Variants in NPIPB11 observed in about 807,000 individuals in gnomAD.
NPIPB11 encodes the protein nuclear pore complex-interacting protein family member B11.
NPIPB11 carries 17 observed loss-of-function variants against 32.8 expected under a neutral mutation model. The observed-to-expected ratio is 0.52, with a 90% CI of 0.35 to 0.78. The LOEUF is 0.78. Among genes scored for constraint, NPIPB11 ranks in the 30% least tolerant of loss-of-function variants. The probability of loss-of-function intolerance (pLI) is 0.01; values close to 1 mark genes in which losing one functional copy is unlikely to be tolerated. For missense variants in NPIPB11, 537 were observed against 1,000.4 expected, an observed-to-expected ratio of 0.54 and a Z score of 6.25; for synonymous variants, 209 against 398.4, an observed-to-expected ratio of 0.52 and a Z score of 5.66.
rs1366799366 is a variant in NPIPB11 at position 29,403,848 on chromosome 16, A to G, written c.-38-8T>C. On this transcript the variant is annotated splice_polypyrimidine_tract_variant and splice_region_variant and intron_variant, in intron 1 of 7. Coordinates refer to ENST00000524087, the Ensembl canonical transcript of NPIPB11. Reference sequence around the variant, plus strand: ...CTCATGATGAGTGCCAACCTATTAGATAATTTAAAAAAAAAGTGTTGAATG... The same window carrying G: ...CTCATGATGAGTGCCAACCTATTAGGTAATTTAAAAAAAAAGTGTTGAATG... 2.6e-6 allele frequency: 4 copies of G among 1,544,262 alleles called. No individual in the cohort carries two copies. In the Admixed American group the frequency reaches 5.8e-5, roughly 22 times the overall value.
At chr16:29,406,232 C>T (rs1186104091), upstream of NPIPB11, among the ~76,000 whole-genome samples, 1 of 152,222 alleles carries the variant, frequency 6.6e-6, no homozygotes, top group Non-Finnish European at 1.5e-5. Flanking sequence ...AATGGGCAGG[C>T]ATTGTCAAAT....
chr16:29,391,093 C>A (rs1364142763), intron 3 of NPIPB11, among the ~76,000 whole-genome samples: 1 of 149,916 alleles, frequency 6.7e-6, no homozygotes, highest in Non-Finnish European at 1.5e-5. Flanking sequence ...ATGGTGAAAC[C>A]CCGTCTCTAC....
chr16:29,399,472 T>C (rs1596682703), intron 2 of NPIPB11, among the ~76,000 whole-genome samples: 2 of 136,498 alleles, frequency 1.5e-5, no homozygotes, highest in African/African-American at 2.7e-5. Context: ...GAGGCCGAGG[T>C]GGGTGGATCA....
chr16:29,397,603 G>A, intron 2 of NPIPB11: 2 of 1,507,116 alleles, frequency 1.3e-6, no homozygotes, highest in Non-Finnish European at 1.8e-6. Flanking sequence ...TCCAGCAGGA[G>A]CCCAAAGAGG....
intron 2 of NPIPB11, among the ~76,000 whole-genome samples, chr16:29,402,698 GTCTCTCTCTCTCTCTC>G (rs762980727): frequency 1.2e-4 from 14 of 118,918 alleles, no homozygotes; most frequent in African/African-American, 2.3e-4. Context: ...GTGAAACTCT[GTCTCTCTCTCTCTCTC>G]TCTCTCTCTC....
At position 29,401,582 on chromosome 16, in the gene NPIPB11, T is replaced by C. The variant is rs4017132; in HGVS notation, c.120+2101A>G. 7.7e-4 allele frequency among the ~76,000 whole-genome samples: 118 copies of C among 152,292 alleles called. 1 individual carries two copies. The highest frequency in any genetic ancestry group is 1.5e-3 in the Non-Finnish European group (104 of 68,022). ...CTCTGCCCCTCCACAGTCTCCCATG[T>C]AGGCTGACACCATATGACAGCCTTA... is the stretch of plus-strand genomic sequence containing the variant. On this transcript the variant is annotated intron_variant, in intron 2 of 7. Transcript: ENST00000524087.
At chr16:29,403,079 ATTT>A (rs552934163) in intron 2 of NPIPB11, among the ~76,000 whole-genome samples, 1 of 134,236 alleles carries the variant, frequency 7.4e-6, no homozygotes, top group Non-Finnish European at 1.6e-5. Flanking sequence ...TTGCAGGATA[ATTT>A]TTTTTTTTTT....
intron 3 of NPIPB11, among the ~76,000 whole-genome samples, chr16:29,393,371 A>G (rs1963768592): frequency 6.6e-6 from 1 of 150,756 alleles, no homozygotes; most frequent in Admixed American, 6.6e-5. Flanking sequence ...GGCCTCTTTC[A>G]TTTCCCCTAA....
Position 29,397,612 on chromosome 16 carries a change from G to C in NPIPB11, c.121-3536C>G, listed in dbSNP as rs912934019. The C allele has an allele frequency of 4.0e-6, 6 of 1,498,902 alleles. No homozygotes were observed. In the Admixed American group the frequency reaches 7.9e-5, roughly 20 times the overall value. The allele number at this position is 1,498,902 out of a possible 1,614,324, so 92.9% of individuals were successfully genotyped here. A position where few individuals can be genotyped will look rare whatever the true frequency, so the allele number is the denominator to read the frequency against. On this transcript the variant is annotated intron_variant, in intron 2 of 7. Coordinates refer to ENST00000524087, the Ensembl canonical transcript of NPIPB11. ...ATAAATTCCAGCAGGAGCCCAAAGAGGAGCCAAAAGAGCATCCACCGCCCC... is the reference window on the plus strand; with the variant it reads ...ATAAATTCCAGCAGGAGCCCAAAGACGAGCCAAAAGAGCATCCACCGCCCC...
chr16:29,394,547 G>C (rs953462548), intron 2 of NPIPB11, among the ~76,000 whole-genome samples: 18 of 150,036 alleles, frequency 1.2e-4, no homozygotes, highest in Admixed American at 5.4e-4. Flanking sequence ...CCATTCTCCT[G>C]CCTCAGCCTC....
At chr16:29,383,107 G>T in exon 8 of NPIPB11, 1 of 1,596,852 alleles carries the variant, frequency 6.3e-7, no homozygotes, top group Non-Finnish European at 8.5e-7. Flanking sequence ...GGGTGGAAGG[G>T]GAGTGAGCTG....
chr16:29,397,100 A>T (rs1372907023), intron 2 of NPIPB11, among the ~76,000 whole-genome samples: 3 of 149,562 alleles, frequency 2.0e-5, no homozygotes, highest in African/African-American at 7.3e-5. Context: ...GAACCCCGGA[A>T]GCGGAGGTTG....
At chr16:29,403,109 G>A (rs1425330926) in intron 2 of NPIPB11, among the ~76,000 whole-genome samples, 78 of 137,282 alleles carry the variant, frequency 5.7e-4, no homozygotes, top group Non-Finnish European at 8.9e-4. Flanking sequence ...ACAGAGTCTC[G>A]CTCTGTCGCA....
chr16:29,389,194 CAAAAAAAAAAAA>C (rs1166217249), intron 5 of NPIPB11, among the ~76,000 whole-genome samples: 1 of 50,350 alleles, frequency 2.0e-5, no homozygotes, highest in African/African-American at 7.7e-5. Context: ...GACTCTGTCT[CAAAAAAAAAAAA>C]AAAAAAAAAT....
chr16:29,402,103 C>T (rs1008513529), intron 2 of NPIPB11, among the ~76,000 whole-genome samples: 2 of 150,372 alleles, frequency 1.3e-5, no homozygotes, highest in Non-Finnish European at 2.9e-5. Context: ...GTCTCTGGGC[C>T]TCAGTTTCAA....
chr16:29,389,127 G>A (rs2142122438), intron 5 of NPIPB11, among the ~76,000 whole-genome samples: 1 of 150,550 alleles, frequency 6.6e-6, no homozygotes, highest in South Asian at 2.1e-4. Context: ...CCTGGGAGGT[G>A]GAGGTTGCAG....
At chr16:29,383,041 A>C (rs770183653) in exon 8 of NPIPB11, 22 of 1,602,504 alleles carry the variant, frequency 1.4e-5, no homozygotes, top group African/African-American at 4.2e-5. Flanking sequence ...TGGAAGCGGA[A>C]CCCGCAGATG....
rs925716479 is a variant in NPIPB11, at chr16:29,402,170, A to C, written c.120+1513T>G. ...GGTTGCAGAGAGAATTAAATGAAAT[A>C]TAAGTGCATGTAGAGCATTGAACCC... On this transcript the variant is annotated intron_variant, in intron 2 of 7. Transcript: ENST00000524087. Among the ~76,000 whole-genome samples the C allele has an allele frequency of 7.6e-4, 109 of 143,938 alleles. 1 individual carries two copies. The highest frequency in any genetic ancestry group is 2.7e-3 in the African/African-American group (103 of 37,606). The allele number at this position is 143,938 out of a possible 152,430, so 94.4% of individuals were successfully genotyped here. A position where few individuals can be genotyped will look rare whatever the true frequency, so the allele number is the denominator to read the frequency against.
In NPIPB11 at chr16:29,383,121, C is replaced by T. The variant is rs556597643; in HGVS notation, c.1811G>A (p.Ser604Asn). 2.7e-4 allele frequency: 425 copies of T among 1,591,794 alleles called. 14 individuals are homozygous for T. In the South Asian group the frequency reaches 4.6e-3, roughly 17 times the overall value. ...AGGGTGGAAGGGGAGTGAGCTGACG[C>T]TCGGAAGGTCTCTTGAGATTATCAT... is the stretch of plus-strand genomic sequence containing the variant. Residue 604 changes from serine (S) to asparagine (N), a missense_variant, in exon 8 of 8, where the codon AGC becomes AAC. Transcript: ENST00000524087.
Sources: allele counts gnomAD v4.1 joint callset (sites outside exome capture counted in the v4.1 genomes callset), GRCh38; gene constraint gnomAD v4.1.1; transcripts MANE v1.5; gene names NCBI Gene and HGNC (gene_info 2026-07-23, HGNC 2026-07-21).